KCNAB1: variants seen among roughly 807,000 people sequenced by gnomAD.
The protein encoded by KCNAB1 is voltage-gated potassium channel subunit beta-1.
A neutral mutation model predicts 64.6 loss-of-function variants in KCNAB1; 35 were observed. That is an observed-to-expected ratio of 0.54 (90% confidence interval 0.41 to 0.72). The LOEUF (loss-of-function observed/expected upper bound fraction) is 0.72. Ranked by LOEUF, KCNAB1 falls within the 30% of genes least tolerant of loss-of-function variation. KCNAB1 has a pLI of 0.00. For synonymous variants in KCNAB1, 177 were observed against 183.8 expected, an observed-to-expected ratio of 0.96 and a Z score of 0.30; for missense variants, 401 against 512.9, an observed-to-expected ratio of 0.78 and a Z score of 2.11.
Position 156,297,259 on chromosome 3 carries a change from CTTTTTTTTT to C in KCNAB1, c.276-124339_276-124331del, listed in dbSNP as rs71141704. Among the ~76,000 whole-genome samples the C allele has an allele frequency of 3.7e-3, 355 of 96,534 alleles. 4 individuals carry two copies. Among genetic ancestry groups the C allele is most frequent in the African/African-American group, 0.01 (339 of 33,728 alleles). 63.3% of individuals were successfully genotyped at this position (96,534 alleles called of 152,430 possible). ...ATAACACAGTATGTATTGAGGTTGG[CTTTTTTTTT>C]TTTTTTTTTTTTTTTTTACTCAGAG... On this transcript the variant is annotated intron_variant, in intron 1 of 13. Coordinates refer to ENST00000490337, the MANE Select transcript of KCNAB1 (RefSeq NM_172160.3).
chr3:156,411,498 A>G (rs1259082713), intron 1 of KCNAB1, among the ~76,000 whole-genome samples: 2 of 152,158 alleles, frequency 1.3e-5, no homozygotes, highest in Non-Finnish European at 2.9e-5. Context: ...TTTTACATTT[A>G]GATCTATGAT....
intron 1 of KCNAB1, among the ~76,000 whole-genome samples, chr3:156,187,970 G>A (rs1713309374): frequency 6.6e-6 from 1 of 152,112 alleles, no homozygotes; most frequent in South Asian, 2.1e-4. Flanking sequence ...GCATTTTGGG[G>A]ACAGAAACAT....
At chr3:156,192,759 A>G (rs1283985230) in intron 1 of KCNAB1, among the ~76,000 whole-genome samples, 1 of 152,078 alleles carries the variant, frequency 6.6e-6, no homozygotes, top group Non-Finnish European at 1.5e-5. Flanking sequence ...CCCTAGTAAT[A>G]TTATTTGCTT....
chr3:156,531,352 A>C (rs371747683), intron 12 of KCNAB1, 57 bp from the exon 13 acceptor site: 553 of 1,271,250 alleles, frequency 4.4e-4, no homozygotes, highest in Non-Finnish European at 6.1e-4. Flanking sequence ...GGTGTTTATA[A>C]GCTAATCAAC....
intron 1 of KCNAB1, among the ~76,000 whole-genome samples, chr3:156,412,678 T>C (rs1193994561): frequency 6.6e-6 from 1 of 152,194 alleles, no homozygotes; most frequent in African/African-American, 2.4e-5. Flanking sequence ...GTAAGGCTGA[T>C]CAGAGATAAA....
chr3:156,490,412 C>G (rs564326070), intron 8 of KCNAB1, among the ~76,000 whole-genome samples: 1 of 151,992 alleles, frequency 6.6e-6, no homozygotes, highest in African/African-American at 2.4e-5. Flanking sequence ...GGAAAAGAAG[C>G]TCAAATAAAT....
At chr3:156,538,735 C>T (rs954232603), downstream of KCNAB1, 26 of 152,270 alleles carry the variant, frequency 1.7e-4, no homozygotes, top group Non-Finnish European at 3.5e-4. Flanking sequence ...ATATTGGCAG[C>T]TAAGCTGCAC....
chr3:156,326,895 G>A (rs1722996836), intron 1 of KCNAB1, among the ~76,000 whole-genome samples: 1 of 151,824 alleles, frequency 6.6e-6, no homozygotes, highest in African/African-American at 2.4e-5. Flanking sequence ...AATTATTTGG[G>A]GTCTTTTTTG....
chr3:156,248,331 C>G (rs1404959134), intron 1 of KCNAB1, among the ~76,000 whole-genome samples: 1 of 152,112 alleles, frequency 6.6e-6, no homozygotes, highest in Non-Finnish European at 1.5e-5. Context: ...CTAGCATTTA[C>G]AAACACAGAA....
At chr3:156,157,584 G>A (rs1354273345) in intron 1 of KCNAB1, among the ~76,000 whole-genome samples, 1 of 152,088 alleles carries the variant, frequency 6.6e-6, no homozygotes, top group East Asian at 1.9e-4. Context: ...TTATAAAATT[G>A]CATTTAAATT....
At chr3:156,280,477 T>G (rs1222582484) in intron 1 of KCNAB1, among the ~76,000 whole-genome samples, 3 of 149,386 alleles carry the variant, frequency 2.0e-5, no homozygotes, top group East Asian at 3.9e-4. Flanking sequence ...ATATGAACTT[T>G]AAAGTAGTTT....
In KCNAB1 at chr3:156,537,269, A is replaced by G. The variant is rs1411814286; in HGVS notation, c.*522A>G. The G allele has an allele frequency of 2.6e-6, 1 of 388,376 alleles. No individual in the cohort carries two copies. The highest frequency in any genetic ancestry group is 4.5e-6 in the Non-Finnish European group (1 of 220,542). The allele number at this position is 388,376 out of a possible 1,614,324, so 24.1% of individuals were successfully genotyped here. A position where few individuals can be genotyped will look rare whatever the true frequency, so the allele number is the denominator to read the frequency against. ...AAAAAAAAAGCAGTATCTTCACTCA[A>G]AAGTCTTGCTTGGAAGAATAAGCAG... On this transcript the variant is annotated 3_prime_UTR_variant, in exon 14 of 14. Coordinates refer to ENST00000490337, the MANE Select transcript of KCNAB1 (RefSeq NM_172160.3).
chr3:156,515,169 T>C lies in KCNAB1; in HGVS notation c.814T>C (p.Phe272Leu). The stretch of plus-strand genomic sequence containing the variant: ...CTGTGAACAAGCTGAGTACCATCTT[T>C]TCCAGAGAGAGAAAGTGGAGGTCCA... The part of the protein sequence containing the change: ...PVCEQAEYHL[F>L]QREKVEVQLP... Residue 272 changes from phenylalanine (F) to leucine (L), a missense_variant, in exon 10 of 14, where the codon TTC becomes CTC. Physicochemically the swap from Phe to Leu is conservative, Grantham distance 22. Transcript: ENST00000490337. The C allele has an allele frequency of 6.2e-7, 1 of 1,613,526 alleles. No homozygotes were observed. The highest frequency in any genetic ancestry group is 8.5e-7 in the Non-Finnish European group (1 of 1,179,616).
chr3:156,212,047 G>A lies in KCNAB1; in HGVS notation c.275+91161G>A, dbSNP rs146566678. 9.0e-3 allele frequency among the ~76,000 whole-genome samples: 1,372 copies of A among 152,234 alleles called. 32 individuals carry two copies. The highest frequency in any genetic ancestry group is 0.031 in the African/African-American group (1,271 of 41,520). Reference sequence around the variant, plus strand: ...TGATGATACTGATGAGCTCTTTACTGGGGTGCAAGGAAGCCTTGTAAGGGA... The same window carrying A: ...TGATGATACTGATGAGCTCTTTACTAGGGTGCAAGGAAGCCTTGTAAGGGA... On this transcript the variant is annotated intron_variant, in intron 1 of 13. Coordinates refer to ENST00000490337, the MANE Select transcript of KCNAB1 (RefSeq NM_172160.3).
At chr3:156,135,495 C>A (rs1714289779) in intron 1 of KCNAB1, among the ~76,000 whole-genome samples, 1 of 152,118 alleles carries the variant, frequency 6.6e-6, no homozygotes, top group South Asian at 2.1e-4. Context: ...ACCTGGATGT[C>A]TATTACCTTA....
At chr3:156,313,367 A>G (rs1406120308) in intron 1 of KCNAB1, among the ~76,000 whole-genome samples, 1 of 152,154 alleles carries the variant, frequency 6.6e-6, no homozygotes, top group Non-Finnish European at 1.5e-5. Flanking sequence ...GGCAAAAAGG[A>G]CTTTGCAGAT....
rs894172121 is a variant in KCNAB1, at chr3:156,375,311, C to T, written c.276-46305C>T. 2.2e-5 allele frequency among the ~76,000 whole-genome samples: 3 copies of T among 134,564 alleles called. 1 individual carries two copies. Among genetic ancestry groups the T allele is most frequent in the African/African-American group, 6.7e-5 (2 of 29,778 alleles). 88.3% of individuals were successfully genotyped at this position (134,564 alleles called of 152,430 possible). On this transcript the variant is annotated intron_variant, in intron 1 of 13. Transcript: ENST00000490337. Reference sequence around the variant, plus strand: ...TTTGTAGAGTTTATGAAGCTCATCCCTATGCAGCCCCTCACTCCCAGCCAC... The same window carrying T: ...TTTGTAGAGTTTATGAAGCTCATCCTTATGCAGCCCCTCACTCCCAGCCAC...
chr3:156,229,934 A>G (rs193040390), intron 1 of KCNAB1, among the ~76,000 whole-genome samples: 158 of 152,290 alleles, frequency 1.0e-3, no homozygotes, highest in African/African-American at 3.5e-3. Flanking sequence ...TTGGCATAGT[A>G]TGGGAAAACA....
At chr3:156,509,691 T>A (rs1013606413) in intron 8 of KCNAB1, among the ~76,000 whole-genome samples, 4 of 152,176 alleles carry the variant, frequency 2.6e-5, no homozygotes, top group African/African-American at 9.7e-5. Flanking sequence ...GAGAGTCACA[T>A]TCAGTACTGG....
Sources: allele counts gnomAD v4.1 joint callset (sites outside exome capture counted in the v4.1 genomes callset), GRCh38; gene constraint gnomAD v4.1.1; transcripts MANE v1.5; gene names NCBI Gene and HGNC (gene_info 2026-07-23, HGNC 2026-07-21).